MTOR: variants seen among roughly 807,000 people sequenced by gnomAD.
MTOR encodes mechanistic target of rapamycin kinase.
Under a neutral mutation model 319.8 loss-of-function variants are expected in MTOR, and 70 were observed. That is an observed-to-expected ratio of 0.22 (90% confidence interval 0.18 to 0.27). The LOEUF (loss-of-function observed/expected upper bound fraction) is 0.27. Ranked by LOEUF, MTOR falls within the 10% of genes least tolerant of loss-of-function variation. The probability of loss-of-function intolerance (pLI) is 1.00; values close to 1 mark genes in which losing one functional copy is unlikely to be tolerated. For missense variants in MTOR, 1,890 were observed against 3,274.4 expected, an observed-to-expected ratio of 0.58 and a Z score of 10.32; for synonymous variants, 1,183 against 1,211.4, an observed-to-expected ratio of 0.98 and a Z score of 0.49.
At chr1:11,255,079 TTAA>T (rs1650186106) in intron 5 of MTOR, among the ~76,000 whole-genome samples, 1 of 152,112 alleles carries the variant, frequency 6.6e-6, no homozygotes. Context: ...TAATTAATTA[TTAA>T]TAAGAAGAAG....
At chr1:11,218,101 TTCCCCATACAAATATGTATAGTGG>T (rs1415524962) in intron 19 of MTOR, among the ~76,000 whole-genome samples, 4 of 152,240 alleles carry the variant, frequency 2.6e-5, no homozygotes, top group South Asian at 4.1e-4. Context: ...TTTGTAGTGA[TTCCCCATACAAATATGTATAGTGG>T]TCCCTATACA....
chr1:11,206,039 A>C (rs1646126769), intron 25 of MTOR, among the ~76,000 whole-genome samples: 1 of 152,244 alleles, frequency 6.6e-6, no homozygotes. Context: ...CCGAAGCAGA[A>C]ATGTTACAAG....
rs551112099 is a variant in MTOR at position 11,250,227 on chromosome 1, A to ACC, written c.841-2135_841-2134dup. Among the ~76,000 whole-genome samples the ACC allele has an allele frequency of 6.5e-5, 6 of 92,490 alleles. 2 individuals are homozygous for ACC. The highest frequency in any genetic ancestry group is 1.1e-4 in the Non-Finnish European group (5 of 43,848). 60.7% of individuals were successfully genotyped at this position (92,490 alleles called of 152,430 possible). A position where few individuals can be genotyped will look rare whatever the true frequency, so the allele number is the denominator to read the frequency against. ...GGGCGGCTGGCCGGGCGGGGGGCTG[A>ACC]CCCCCCACCTCCCTCCCGGACGGGG... On this transcript the variant is annotated intron_variant, in intron 6 of 57. Transcript: ENST00000361445.
At chr1:11,178,476 T>C (rs945465256) in intron 28 of MTOR, among the ~76,000 whole-genome samples, 3 of 152,244 alleles carry the variant, frequency 2.0e-5, no homozygotes, top group Non-Finnish European at 4.4e-5. Flanking sequence ...TAGGGAGCTA[T>C]TGGCAGGCAC....
rs148576828 is a variant in MTOR, at chr1:11,191,078, C to T, written c.4253+8180G>A. ...GGTCTGTGAGATGAAACCAGACATG[C>T]GGAAGACCAGGCCAGACAGAGGAAT... is the stretch of plus-strand genomic sequence containing the variant. On this transcript the variant is annotated intron_variant, in intron 28 of 57. Transcript: ENST00000361445. Among the ~76,000 whole-genome samples the T allele has an allele frequency of 3.0e-4, 45 of 152,258 alleles. 1 individual carries two copies. The highest frequency in any genetic ancestry group is 7.5e-4 in the African/African-American group (31 of 41,536).
At chr1:11,195,932 A>G (rs1271091118) in intron 28 of MTOR, 1 of 152,256 alleles carries the variant, frequency 6.6e-6, no homozygotes, top group African/African-American at 2.4e-5. Flanking sequence ...GTTTTGTTTT[A>G]AACATTCAAC....
rs150668179 is a variant in MTOR at position 11,256,040 on chromosome 1, G to A, written c.657C>T (p.Leu219=). 30 of 1,614,006 alleles carry A rather than the reference G, an allele frequency of 1.9e-5. No homozygotes were observed. The African/African-American group carries it at 3.5e-4, about 19-fold the overall frequency. ...TCTCCTTCGGCTCACGCTGGGTTGT[G>A]AGAATCAGACAGGCACGAAGGGCGG... The part of the protein sequence containing the change: ...AVAALRACLI[L]TTQREPKEMQ... The change falls in exon 5 of 58, where the codon CTC becomes CTT. Residue 219 remains leucine, a synonymous_variant. Transcript: ENST00000361445.
intron 1 of MTOR, among the ~76,000 whole-genome samples, chr1:11,261,766 C>A (rs769850775): frequency 6.6e-6 from 1 of 152,004 alleles, no homozygotes; most frequent in Non-Finnish European, 1.5e-5. Context: ...GAAAACTACT[C>A]CAGTTTGTGT....
intron 34 of MTOR, among the ~76,000 whole-genome samples, chr1:11,142,107 T>A (rs188603652): frequency 6.6e-6 from 1 of 152,092 alleles, no homozygotes; most frequent in Non-Finnish European, 1.5e-5. Flanking sequence ...GAGAGTCAGG[T>A]TGGGGACGGC....
At chr1:11,196,167 A>T (rs1287547787) in intron 28 of MTOR, among the ~76,000 whole-genome samples, 3 of 152,204 alleles carry the variant, frequency 2.0e-5, no homozygotes, top group Admixed American at 1.3e-4. Flanking sequence ...AATTCTTCAT[A>T]AAGGGGATTA....
In MTOR at chr1:11,107,297, A is replaced by T. The variant is rs1641624802; in HGVS notation, c.*188T>A. 6.8e-7 allele frequency: 1 copy of T among 1,468,822 alleles called. No individual in the cohort carries two copies. The highest frequency in any genetic ancestry group is 1.4e-5 in the African/African-American group (1 of 70,216). 91.0% of individuals were successfully genotyped at this position (1,468,822 alleles called of 1,614,324 possible). On this transcript the variant is annotated 3_prime_UTR_variant, in exon 58 of 58. Coordinates refer to ENST00000361445, the MANE Select transcript of MTOR (RefSeq NM_004958.4). ...CCAAATCAAGCCTTGTGTTTCTGAC[A>T]ATATATTCTTCAACAGCAGCTAGAA...
chr1:11,191,911 T>A (rs1486059656), intron 28 of MTOR, among the ~76,000 whole-genome samples: 2 of 152,358 alleles, frequency 1.3e-5, no homozygotes, highest in East Asian at 1.9e-4. Context: ...CTAAGAAGTC[T>A]GAATCTATCT....
intron 28 of MTOR, among the ~76,000 whole-genome samples, chr1:11,182,641 C>A (rs1007276160): frequency 2.0e-5 from 3 of 152,102 alleles, no homozygotes; most frequent in African/African-American, 7.2e-5. Flanking sequence ...GGCACTGAGC[C>A]CCCTCCCAAT....
intron 11 of MTOR, among the ~76,000 whole-genome samples, chr1:11,239,765 T>G (rs1388006853): frequency 6.6e-6 from 1 of 151,604 alleles, no homozygotes; most frequent in Non-Finnish European, 1.5e-5. Context: ...ATTAGCCGGG[T>G]GTGGTGACAC....
At chr1:11,237,170 A>T (rs1272756869) in intron 13 of MTOR, among the ~76,000 whole-genome samples, 1 of 152,154 alleles carries the variant, frequency 6.6e-6, no homozygotes. Flanking sequence ...GACCCACAAG[A>T]GGCAGGTGGA....
chr1:11,167,852 G>A (rs751017825), intron 28 of MTOR, among the ~76,000 whole-genome samples: 22 of 152,110 alleles, frequency 1.4e-4, no homozygotes, highest in Non-Finnish European at 2.6e-4. Flanking sequence ...GTTGGATCAC[G>A]AGGTCAGGAG....
intron 30 of MTOR, among the ~76,000 whole-genome samples, chr1:11,156,288 C>A (rs971286220): frequency 6.6e-6 from 1 of 152,196 alleles, no homozygotes; most frequent in African/African-American, 2.4e-5. Context: ...CTGTGCCCGG[C>A]CTGTTTTAGT....
At chr1:11,118,563 A>G (rs1423812054) in intron 49 of MTOR, among the ~76,000 whole-genome samples, 1 of 140,876 alleles carries the variant, frequency 7.1e-6, no homozygotes, top group Non-Finnish European at 1.5e-5. Context: ...CGATCTCACT[A>G]TATTACCCAG....
At chr1:11,203,921 G>A (rs1029561078) in intron 26 of MTOR, among the ~76,000 whole-genome samples, 2 of 152,040 alleles carry the variant, frequency 1.3e-5, no homozygotes, top group African/African-American at 2.4e-5. Context: ...CTACTACCTC[G>A]TTCTCTTGGG....
Sources: gnomAD v4.1 joint callset for allele counts (sites outside exome capture counted in the v4.1 genomes callset) on GRCh38, gnomAD v4.1.1 for gene constraint, MANE v1.5 for transcripts, NCBI Gene and HGNC (gene_info 2026-07-23, HGNC 2026-07-21) for gene names.